The following CEACAM21 variants were observed in gnomAD, a reference collection of about 807,000 sequenced individuals.
The protein encoded by CEACAM21 is CEA cell adhesion molecule 21.
In CEACAM21, 38 loss-of-function variants were observed where a neutral mutation model predicts 33.2. The observed-to-expected ratio is 1.14, with a 90% CI of 0.88 to 1.50. CEACAM21 has a LOEUF of 1.50. Ranked by LOEUF, CEACAM21 falls within the 40% of genes most tolerant of loss-of-function variation. The pLI, the probability that CEACAM21 is intolerant of heterozygous loss-of-function variation, is 0.00. For missense variants in CEACAM21, 385 were observed against 364.6 expected (o/e 1.06, Z -0.46); for synonymous variants, 156 against 143.0 (o/e 1.09, Z -0.65).
At chr19:41,567,874 G>A (rs1291939322) in intron 2 of CEACAM21, among the ~76,000 whole-genome samples, 4 of 145,878 alleles carry the variant, frequency 2.7e-5, no homozygotes, top group Non-Finnish European at 6.0e-5. Flanking sequence ...GGAATGTGGA[G>A]AAGAAAGGAG....
rs782713040 is a variant in CEACAM21 at position 41,579,420 on chromosome 19, G to A, written c.492G>A (p.Leu164=). Residue 164 remains leucine (L), a synonymous_variant, in exon 3 of 7, where the codon CTG becomes CTA. Coordinates refer to ENST00000401445, the MANE Select transcript of CEACAM21 (RefSeq NM_001098506.4). ...TCACAGAGAAGGGCTCCGTGGTCCT[G>A]ACCTGCCACACAAATAACACTGGAA... ...TTVTEKGSVV[L]TCHTNNTGTS... The A allele has an allele frequency of 3.1e-6, 5 of 1,613,932 alleles. No individual in the cohort carries two copies. In the African/African-American group the frequency reaches 6.7e-5, roughly 22 times the overall value.
chr19:41,562,939 A>T (rs1284026035), intron 1 of CEACAM21, among the ~76,000 whole-genome samples: 1 of 152,154 alleles, frequency 6.6e-6, no homozygotes, highest in Non-Finnish European at 1.5e-5. Flanking sequence ...TGTGTTAGCC[A>T]GGATGGTCTC....
At chr19:41,551,184 A>G (rs1555784118) in intron 1 of CEACAM21, 1 of 86,098 alleles carries the variant, frequency 1.2e-5, no homozygotes. Context: ...TTTTAGATGT[A>G]GTTTCACTCT....
upstream of CEACAM21, among the ~76,000 whole-genome samples, chr19:41,573,051 A>G (rs1189040596): frequency 6.6e-6 from 1 of 152,172 alleles, no homozygotes; most frequent in Admixed American, 6.5e-5. Flanking sequence ...TTGAGGCCTC[A>G]GGCAATGAGA....
At chr19:41,572,924 C>T (rs2042704532), upstream of CEACAM21, among the ~76,000 whole-genome samples, 1 of 152,166 alleles carries the variant, frequency 6.6e-6, no homozygotes, top group Non-Finnish European at 1.5e-5. Context: ...CCCTCAACAT[C>T]AATCTGGTGA....
Position 41,579,273 on chromosome 19 carries a change from A to G in CEACAM21, c.425-80A>G, listed in dbSNP as rs1555792364. The G allele has an allele frequency of 1.9e-6, 3 of 1,611,006 alleles. No individual in the cohort carries two copies. In the Admixed American group the frequency reaches 5.0e-5, roughly 27 times the overall value. ...CATCTTTCTCCTTTATTCACAGGAG[A>G]ATGTTCTAAATTTGACTCTGAGATC... is the stretch of plus-strand genomic sequence containing the variant. On this transcript the variant is annotated intron_variant, in intron 2 of 6. Coordinates refer to ENST00000401445, the MANE Select transcript of CEACAM21 (RefSeq NM_001098506.4).
In CEACAM21 at chr19:41,586,494, T is replaced by G. The variant is rs374306422; in HGVS notation, c.*31T>G. 12 of 638,110 alleles carry G rather than the reference T, an allele frequency of 1.9e-5. No homozygotes were observed. The highest frequency in any genetic ancestry group is 3.7e-5 in the African/African-American group (2 of 54,294). 39.5% of individuals were successfully genotyped at this position (638,110 alleles called of 1,614,324 possible). A position where few individuals can be genotyped will look rare whatever the true frequency, so the allele number is the denominator to read the frequency against. ...GCTACACTCTGACACAAACATTTAC[T>G]GCTGGATCGACCACAAAGCAGATGT... On this transcript the variant is annotated 3_prime_UTR_variant, in exon 7 of 7. Coordinates refer to ENST00000401445, the MANE Select transcript of CEACAM21 (RefSeq NM_001098506.4).
At chr19:41,586,203 G>A (rs782160682) in intron 6 of CEACAM21, 16 of 563,092 alleles carry the variant, frequency 2.8e-5, no homozygotes, top group Non-Finnish European at 5.1e-5. Flanking sequence ...GAGGTGAGTG[G>A]GGGCCACAGA....
Position 41,579,612 on chromosome 19 carries a change from C to A in CEACAM21, c.684C>A (p.Leu228=). The part of the protein sequence containing the change: ...NPVSSNRSDP[L]KLTVKSDDNT... ...TCAGCTCCAACAGGAGCGACCCCCT[C>A]AAGCTGACTGTAAAATGTGAGTGAC... Residue 228 remains leucine (L), a synonymous_variant, in exon 3 of 7, where the codon CTC becomes CTA. Coordinates refer to ENST00000401445, the MANE Select transcript of CEACAM21 (RefSeq NM_001098506.4). 1 of 1,560,876 alleles carries A rather than the reference C, an allele frequency of 6.4e-7. No homozygotes were observed. Among genetic ancestry groups the A allele is most frequent in the Non-Finnish European group, 8.7e-7 (1 of 1,151,342 alleles).
chr19:41,561,365 T>G (rs2041871306), intron 1 of CEACAM21, among the ~76,000 whole-genome samples: 1 of 145,980 alleles, frequency 6.9e-6, no homozygotes, highest in Non-Finnish European at 1.5e-5. Flanking sequence ...GCAAGGCCTC[T>G]ATGTAGAAAA....
At chr19:41,559,672 G>A (rs2041753762) in intron 1 of CEACAM21, among the ~76,000 whole-genome samples, 1 of 152,184 alleles carries the variant, frequency 6.6e-6, no homozygotes, top group Non-Finnish European at 1.5e-5. Flanking sequence ...GAAGACGCCA[G>A]TACTCATAAA....
At position 41,579,531 on chromosome 19, in the gene CEACAM21, A is replaced by G. The variant is rs1159011158; in HGVS notation, c.603A>G (p.Ile201Met). The G allele has an allele frequency of 6.2e-7, 1 of 1,613,162 alleles. No individual in the cohort carries two copies. The highest frequency in any genetic ancestry group is 8.5e-7 in the Non-Finnish European group (1 of 1,179,526). Residue 201 changes from isoleucine to methionine, a missense_variant, in exon 3 of 7, where the codon ATA becomes ATG. By Grantham distance (10) the Ile-to-Met change is conservative. Transcript: ENST00000401445. ...CCTGGTTTAACCATGTGCTCACCAT[A>G]GACCCCATCAGGCAGGAGGACGCTG... The part of the protein sequence containing the change: ...KLSWFNHVLT[I>M]DPIRQEDAGE...
At chr19:41,556,055 C>T (rs1466183355) in intron 1 of CEACAM21, among the ~76,000 whole-genome samples, 2 of 152,314 alleles carry the variant, frequency 1.3e-5, no homozygotes, top group African/African-American at 4.8e-5. Flanking sequence ...ACTCTGGACT[C>T]CACAAGGAGA....
intron 2 of CEACAM21, chr19:41,565,623 G>A (rs1182134490): frequency 6.8e-6 from 1 of 147,182 alleles, no homozygotes; most frequent in Non-Finnish European, 1.5e-5. Context: ...CTGGTGAACT[G>A]GAGGGATCTT....
chr19:41,567,284 C>T (rs1555788525), intron 2 of CEACAM21, among the ~76,000 whole-genome samples: 2 of 152,154 alleles, frequency 1.3e-5, no homozygotes, highest in African/African-American at 4.8e-5. Flanking sequence ...TAAACAGACC[C>T]TGTTAAACAA....
At position 41,562,427 on chromosome 19, in the gene CEACAM21, A is replaced by G. The variant is rs553722231; in HGVS notation, c.-778-2255A>G. Among the ~76,000 whole-genome samples the G allele has an allele frequency of 3.3e-5, 5 of 152,316 alleles. No individual in the cohort carries two copies. In the East Asian group the frequency reaches 7.7e-4, roughly 23 times the overall value. On this transcript the variant is annotated intron_variant, in intron 1 of 7. Coordinates refer to the CEACAM21 transcript ENST00000407170. ...CAAAGCACGAAGGAAAAGACACACG[A>G]CACAATAGAAAAGCTGAAGATGTCA...
chr19:41,585,761 CT>C, intron 5 of CEACAM21, 78 bp from the exon 6 acceptor site: 1 of 1,425,698 alleles, frequency 7.0e-7, no homozygotes, highest in South Asian at 1.2e-5. Context: ...TCTCTAAGAA[CT>C]GAGGACCCCC....
upstream of CEACAM21, chr19:41,576,098 G>A: frequency 1.5e-6 from 1 of 649,468 alleles, no homozygotes; most frequent in Non-Finnish European, 2.7e-6. Context: ...GGGACAGAGA[G>A]ACATTGTAGG....
chr19:41,564,347 T>A (rs1013331271), intron 1 of CEACAM21, among the ~76,000 whole-genome samples: 141 of 85,956 alleles, frequency 1.6e-3, no homozygotes, highest in African/African-American at 7.2e-3. Context: ...TATTTATTTA[T>A]TTATTTATTT....
Sources: allele counts gnomAD v4.1 joint callset (sites outside exome capture counted in the v4.1 genomes callset), GRCh38; gene constraint gnomAD v4.1.1; transcripts MANE v1.5; gene names NCBI Gene and HGNC (gene_info 2026-07-23, HGNC 2026-07-21).